The following PHLDA1 variants were observed in gnomAD, a reference collection of about 807,000 sequenced individuals.
PHLDA1 encodes the protein pleckstrin homology-like domain family A member 1.
In PHLDA1, 28 loss-of-function variants were observed where a neutral mutation model predicts 33.8. The ratio of observed to expected loss-of-function variants is 0.83; its 90% CI spans 0.61 to 1.14. PHLDA1 has a LOEUF of 1.14. Among genes scored for constraint, PHLDA1 ranks in the 50% most tolerant of loss-of-function variants. PHLDA1 has a pLI of 0.00. For synonymous variants in PHLDA1, 271 were observed against 243.6 expected (o/e 1.11, Z -1.05); for missense variants, 595 against 548.6 (o/e 1.08, Z -0.84).
Position 76,031,603 on chromosome 12 carries a change from G to C in PHLDA1, c.139C>G (p.Arg47Gly). Residue 47 changes from arginine (R) to glycine (G), a missense_variant, in exon 1 of 2, where the codon CGG becomes GGG. This residue lies in a region of PHLDA1 where 263 missense variants were observed against 232.3 expected (regional missense o/e 1.13). Transcript: ENST00000266671. The surrounding 1 kb of genome is among the most constrained non-coding windows in gnomAD (Gnocchi z 5.4). ...GAGCGCTCACTGAAGGGCACTGGCC[G>C]GGCCCCCTCGCGGCGCTTTTGAATG... The C allele has an allele frequency of 6.4e-7, 1 of 1,573,174 alleles. No homozygotes were observed. Among genetic ancestry groups the C allele is most frequent in the Non-Finnish European group, 8.6e-7 (1 of 1,162,000 alleles).
Position 76,031,773 on chromosome 12 carries a change from C to T in PHLDA1, c.-32G>A, listed in dbSNP as rs779198547. On this transcript the variant is annotated 5_prime_UTR_variant, in exon 1 of 2. Transcript: ENST00000266671. The surrounding 1 kb of genome is among the most constrained non-coding windows in gnomAD (Gnocchi z 5.4). ...GGGGCCTTTCCAAAGCCCGCTGCGT[C>T]CACGCCCTCCAGCGTCTCTTGCTCC... 1.4e-5 allele frequency: 19 copies of T among 1,336,950 alleles called. No homozygotes were observed. The highest frequency in any genetic ancestry group is 1.6e-5 in the Non-Finnish European group (17 of 1,040,316). The allele number at this position is 1,336,950 out of a possible 1,614,324, so 82.8% of individuals were successfully genotyped here.
chr12:76,029,444 C>T (rs1445637427), exon 2 of PHLDA1: 1 of 152,150 alleles, frequency 6.6e-6, no homozygotes, highest in Non-Finnish European at 1.5e-5. Flanking sequence ...CTACTGATTT[C>T]CTTTTAGAAA....
At chr12:76,029,631 T>C (rs1479510824) in exon 2 of PHLDA1, 2 of 152,642 alleles carry the variant, frequency 1.3e-5, no homozygotes, top group Admixed American at 1.3e-4. Flanking sequence ...TTTCTGAAAG[T>C]ACTCGAGAAA....
chr12:76,026,767 T>C (rs896764615), exon 2 of PHLDA1: 1 of 152,214 alleles, frequency 6.6e-6, no homozygotes, highest in African/African-American at 2.4e-5. Flanking sequence ...GCACTCCCCA[T>C]AGAGCACACC....
chr12:76,030,177 G>A lies in PHLDA1; in HGVS notation c.*27-85C>T, dbSNP rs1219268246. 1.2e-5 allele frequency: 4 copies of A among 329,592 alleles called. No homozygotes were observed. The East Asian group carries it at 2.0e-4, about 16-fold the overall frequency. The allele number at this position is 329,592 out of a possible 1,614,324, so 20.4% of individuals were successfully genotyped here. ...TTCGGGCCAGTCCGCCTGACAAAGC[G>A]GGCTCAGAAAGACACCGTGGTGTTT... is the stretch of plus-strand genomic sequence containing the variant. On this transcript the variant is annotated intron_variant, in intron 1 of 1. Coordinates refer to ENST00000266671, the Ensembl canonical transcript of PHLDA1.
At chr12:76,027,233 T>G (rs1283494013) in exon 2 of PHLDA1, 5 of 152,184 alleles carry the variant, frequency 3.3e-5, no homozygotes, top group African/African-American at 1.2e-4. Context: ...ACTGGGACAT[T>G]AAATGATGTA....
exon 1 of PHLDA1, chr12:76,030,574 CGTGCGGCTGCGA>C (rs1292887510): frequency 5.6e-6 from 9 of 1,613,774 alleles, no homozygotes; most frequent in Middle Eastern, 3.3e-4. Flanking sequence ...AGCCGGTGCC[CGTGCGGCTGCGA>C]GTGCGGCTGT....
chr12:76,027,252 T>G (rs1299718149), exon 2 of PHLDA1: 2 of 152,338 alleles, frequency 1.3e-5, no homozygotes, highest in East Asian at 3.9e-4. Context: ...TACATTTATA[T>G]TTTGTTTTGT....
chr12:76,028,964 TCA>T (rs1321823481), exon 2 of PHLDA1: 3 of 152,488 alleles, frequency 2.0e-5, no homozygotes, highest in Admixed American at 2.0e-4. Context: ...CTCAAATTTC[TCA>T]CAGAGCAATG....
At chr12:76,030,431 C>A in intron 1 of PHLDA1, 79 bp downstream of exon 1, 1 of 1,123,120 alleles carries the variant, frequency 8.9e-7, no homozygotes, top group Non-Finnish European at 1.3e-6. Flanking sequence ...GGAGCCGAAC[C>A]TGTGAACAAG....
In PHLDA1 at chr12:76,031,018, A is replaced by T; in HGVS notation, c.724T>A (p.Cys242Ser). 1 of 1,613,206 alleles carries T rather than the reference A, an allele frequency of 6.2e-7. No individual in the cohort carries two copies. ...ATGTACTTGCCCTTGCGCTCCACAC[A>T]GTCCACGGTCTTCATGTTGGAGAAG... The change falls in exon 1 of 2, where the codon TGT becomes AGT. Residue 242 changes from cysteine to serine, a missense_variant. By Grantham distance (112) the Cys-to-Ser change is moderately radical. Coordinates refer to ENST00000266671, the Ensembl canonical transcript of PHLDA1. The surrounding 1 kb of genome is among the most constrained non-coding windows in gnomAD (Gnocchi z 5.4).
chr12:76,029,334 T>C (rs1247989117), exon 2 of PHLDA1: 1 of 152,176 alleles, frequency 6.6e-6, no homozygotes, highest in Non-Finnish European at 1.5e-5. Flanking sequence ...AAAAGCAAGG[T>C]TTTCCTACAA....
At chr12:76,025,776 A>G (rs1870763841) in exon 2 of PHLDA1, 1 of 152,242 alleles carries the variant, frequency 6.6e-6, no homozygotes, top group South Asian at 2.1e-4. Flanking sequence ...GCCTGCCATC[A>G]GCCATCCAGC....
chr12:76,030,635 G>T (rs778924434), exon 1 of PHLDA1: 11 of 1,493,508 alleles, frequency 7.4e-6, no homozygotes, highest in Admixed American at 3.4e-5. Flanking sequence ...GCGGGTGCGG[G>T]TGAGGGTGTG....
At chr12:76,029,957 T>G (rs1278904322) in exon 2 of PHLDA1, 1 of 153,604 alleles carries the variant, frequency 6.5e-6, no homozygotes, top group Admixed American at 6.5e-5. Context: ...TGCAGAAAAC[T>G]AAGAAGAATC....
At chr12:76,030,804 G>C (rs959196447) in exon 1 of PHLDA1, 2 of 1,523,154 alleles carry the variant, frequency 1.3e-6, no homozygotes, top group East Asian at 4.9e-5. Context: ...CTGCGGCTGC[G>C]GCTGCGGCTG....
intron 1 of PHLDA1, 110 bp downstream of exon 1, chr12:76,030,400 G>T: frequency 1.3e-6 from 1 of 790,922 alleles, no homozygotes; most frequent in Non-Finnish European, 2.1e-6. Context: ...AACTTGGTAT[G>T]AGTTTTGATT....
chr12:76,031,487 C>T lies in PHLDA1; in HGVS notation c.255G>A (p.Pro85=). 6.6e-7 allele frequency: 1 copy of T among 1,517,438 alleles called. No homozygotes were observed. Among genetic ancestry groups the T allele is most frequent in the Admixed American group, 2.2e-5 (1 of 46,322 alleles). The allele number at this position is 1,517,438 out of a possible 1,614,324, so 94.0% of individuals were successfully genotyped here. The change falls in exon 1 of 2, where the codon CCG becomes CCA. Residue 85 remains proline, a synonymous_variant. Coordinates refer to ENST00000266671, the Ensembl canonical transcript of PHLDA1. The surrounding 1 kb of genome is among the most constrained non-coding windows in gnomAD (Gnocchi z 5.4). ...CACGCAGGAGGCAGAGCGGCGGCGG[C>T]GGCTCTGGGTCCCGGCAGAGGGACA...
chr12:76,029,263 T>C (rs1267645476), exon 2 of PHLDA1: 1 of 152,196 alleles, frequency 6.6e-6, no homozygotes, highest in Admixed American at 6.5e-5. Context: ...CAAATGCATT[T>C]ATACTCACAA....
Sources: allele counts gnomAD v4.1 joint callset, GRCh38; gene constraint gnomAD v4.1.1; regional missense constraint gnomAD v4.1.1; non-coding constraint Gnocchi (gnomAD v3.1); transcripts MANE v1.5; gene names NCBI Gene and HGNC (gene_info 2026-07-23, HGNC 2026-07-21).